SBNO2: variants seen among roughly 807,000 people sequenced by gnomAD.
SBNO2 encodes the protein strawberry notch homolog 2, also known as protein strawberry notch homolog 2.
Under a neutral mutation model 146.3 loss-of-function variants are expected in SBNO2, and 89 were observed. That is an observed-to-expected ratio of 0.61 (90% CI 0.51 to 0.73). The LOEUF (loss-of-function observed/expected upper bound fraction) is 0.73, where lower values mean the gene tolerates loss of function less well. Ranked by LOEUF, SBNO2 falls within the 30% of genes least tolerant of loss-of-function variation. The pLI is 0.00. For synonymous variants in SBNO2, 1,147 were observed against 892.6 expected (o/e 1.29, Z -5.08); for missense variants, 2,092 against 2,003.7 (o/e 1.04, Z -0.84).
chr19:1,110,032 T>G lies in SBNO2; in HGVS notation c.3029-255A>C, dbSNP rs181038156. 3.1e-4 allele frequency among the ~76,000 whole-genome samples: 41 copies of G among 131,012 alleles called. No homozygotes were observed. In the South Asian group the frequency reaches 9.2e-3, roughly 29 times the overall value. 85.9% of individuals were successfully genotyped at this position (131,012 alleles called of 152,430 possible). On this transcript the variant is annotated intron_variant, in intron 26 of 31. Coordinates refer to ENST00000361757, the MANE Select transcript of SBNO2 (RefSeq NM_014963.3). The surrounding 1 kb of genome is among the most constrained non-coding windows in gnomAD (Gnocchi z 4.9). ...GAGCCTGGGGGCCGCTCAGGTCCTA[T>G]GTAACCCCGAGCAGGCTGTGGGGGA...
intron 4 of SBNO2, among the ~76,000 whole-genome samples, chr19:1,145,794 C>T (rs943770018): frequency 2.6e-5 from 4 of 152,102 alleles, no homozygotes; most frequent in Non-Finnish European, 5.9e-5. Context: ...CATGGGGGTC[C>T]AGGGCTACTG....
At position 1,111,633 on chromosome 19, in the gene SBNO2, T is replaced by TCGGGGAGGAGGCC. The variant is rs2079761472; in HGVS notation, c.2701-32_2701-20dup. On this transcript the variant is annotated intron_variant, in intron 23 of 31. Coordinates refer to ENST00000361757, the MANE Select transcript of SBNO2 (RefSeq NM_014963.3). ...TGCCATACTAGGGGGAGAAGGTGAC[T>TCGGGGAGGAGGCC]CGGGGAGGAGGCCCAGGGAGGAGGC... 1.3e-6 allele frequency: 2 copies of TCGGGGAGGAGGCC among 1,549,156 alleles called. No homozygotes were observed. Among genetic ancestry groups the TCGGGGAGGAGGCC allele is most frequent in the African/African-American group, 2.7e-5 (2 of 73,146 alleles).
At chr19:1,129,687 G>C (rs537754236) in intron 4 of SBNO2, among the ~76,000 whole-genome samples, 2 of 152,212 alleles carry the variant, frequency 1.3e-5, no homozygotes, top group Non-Finnish European at 2.9e-5. Context: ...AGCATTTCCC[G>C]GGCAAGGTCA....
chr19:1,154,928 G>A (rs973177663), intron 1 of SBNO2, among the ~76,000 whole-genome samples: 3 of 152,300 alleles, frequency 2.0e-5, no homozygotes, highest in African/African-American at 2.4e-5. Flanking sequence ...CCCAGACCTC[G>A]TTTCAGGCTA....
chr19:1,121,921 T>A (rs1356959778), intron 11 of SBNO2, among the ~76,000 whole-genome samples: 1 of 152,150 alleles, frequency 6.6e-6, no homozygotes, highest in Non-Finnish European at 1.5e-5. Flanking sequence ...TCCGGAGTCC[T>A]AAACCCTGAG....
In SBNO2 at chr19:1,108,340, C is replaced by A; in HGVS notation, c.3981G>T (p.Pro1327=). ...EDMLRSLHAG[P]PSEGALGEGA... Reference sequence around the variant, plus strand: ...CCTCCCCCAGCGCGCCCTCGGAGGGCGGCCCCGCGTGCAGCGAGCGCAGCA... The same window carrying A: ...CCTCCCCCAGCGCGCCCTCGGAGGGAGGCCCCGCGTGCAGCGAGCGCAGCA... Residue 1327 remains proline (P), a synonymous_variant, in exon 32 of 32, where the codon CCG becomes CCT. Transcript: ENST00000361757. The A allele has an allele frequency of 2.3e-6, 3 of 1,330,872 alleles. No individual in the cohort carries two copies. The highest frequency in any genetic ancestry group is 2.9e-6 in the Non-Finnish European group (3 of 1,037,896). 82.4% of individuals were successfully genotyped at this position (1,330,872 alleles called of 1,614,324 possible).
chr19:1,127,827 C>T (rs1476858133), intron 4 of SBNO2, 62 bp from the exon 5 acceptor site: 3 of 1,529,094 alleles, frequency 2.0e-6, no homozygotes, highest in Non-Finnish European at 2.7e-6. Context: ...CCTCCACGCA[C>T]TGGAGCACGT....
chr19:1,108,674 C>G lies in SBNO2; in HGVS notation c.3647G>C (p.Arg1216Pro), dbSNP rs1395017443. 6.5e-7 allele frequency: 1 copy of G among 1,531,300 alleles called. No homozygotes were observed. Among genetic ancestry groups the G allele is most frequent in the East Asian group, 2.5e-5 (1 of 40,228 alleles). The allele number at this position is 1,531,300 out of a possible 1,614,324, so 94.9% of individuals were successfully genotyped here. A position where few individuals can be genotyped will look rare whatever the true frequency, so the allele number is the denominator to read the frequency against. The change falls in exon 32 of 32, where the codon CGG (arginine) becomes CCG (proline). Residue 1216 changes from arginine to proline, a missense_variant. Coordinates refer to ENST00000361757, the MANE Select transcript of SBNO2 (RefSeq NM_014963.3). ...CATCAGCCGCAGCTCCTGCAGCACC[C>G]GGCGCACGCAGCCCTCGGGGATCTT... The part of the protein sequence containing the change: ...GIKIPEGCVR[R>P]VLQELRLMDA...
chr19:1,128,595 G>A (rs1345211040), intron 4 of SBNO2, among the ~76,000 whole-genome samples: 2 of 151,606 alleles, frequency 1.3e-5, no homozygotes, highest in African/African-American at 4.8e-5. Flanking sequence ...GTTTCACCGT[G>A]TTGGTCAGGC....
chr19:1,143,770 C>T (rs1438564273), intron 4 of SBNO2, among the ~76,000 whole-genome samples: 2 of 152,142 alleles, frequency 1.3e-5, no homozygotes, highest in Non-Finnish European at 2.9e-5. Context: ...ACCCAGGAAG[C>T]TCTCCCGTCT....
Position 1,140,280 on chromosome 19 carries a change from A to G in SBNO2, c.279+7029T>C, listed in dbSNP as rs1267381128. 6.6e-6 allele frequency among the ~76,000 whole-genome samples: 1 copy of G among 151,504 alleles called. No homozygotes were observed. The highest frequency in any genetic ancestry group is 6.6e-5 in the Admixed American group (1 of 15,222). On this transcript the variant is annotated intron_variant, in intron 4 of 31. Transcript: ENST00000361757. This position sits in a 1 kb window ranked among gnomAD's most constrained non-coding sequence, Gnocchi z 4.4. ...ACGCCACTGCACTCCAGCCTGGGCGACAGAGCGAGATTTCATCTCAAAAAA... is the reference window on the plus strand; with the variant it reads ...ACGCCACTGCACTCCAGCCTGGGCGGCAGAGCGAGATTTCATCTCAAAAAA...
chr19:1,118,880 C>CA (rs3842428), intron 14 of SBNO2, 131 bp downstream of exon 14: 13,363 of 874,344 alleles, frequency 0.015, 9 homozygotes, highest in South Asian at 0.038. Context: ...AAAAAAACAA[C>CA]AAAAAAAAAA....
intron 11 of SBNO2, 50 bp from the exon 12 acceptor site, chr19:1,120,073 A>G (rs1482678079): frequency 1.4e-6 from 2 of 1,458,934 alleles, no homozygotes; most frequent in East Asian, 4.9e-5. Flanking sequence ...GGGCGACCCC[A>G]GGAGCCCAGG....
intron 1 of SBNO2, among the ~76,000 whole-genome samples, chr19:1,166,619 ACAC>A (rs1568649733): frequency 5.4e-4 from 3 of 5,586 alleles, no homozygotes; most frequent in Non-Finnish European, 0.011. Context: ...CTGCACGCGC[ACAC>A]ACACACACAC....
chr19:1,153,914 G>A (rs2080264848), intron 2 of SBNO2, among the ~76,000 whole-genome samples: 1 of 152,192 alleles, frequency 6.6e-6, no homozygotes, highest in African/African-American at 2.4e-5. Flanking sequence ...GACGGCGAAG[G>A]AACTGGAAGC....
rs1294771385 is a variant in SBNO2 at position 1,158,700 on chromosome 19, G to A, written c.-126-4298C>T. On this transcript the variant is annotated intron_variant, in intron 1 of 31. Transcript: ENST00000361757. The surrounding 1 kb of genome is among the most constrained non-coding windows in gnomAD (Gnocchi z 9.9). Reference sequence around the variant, plus strand: ...GGCCACCGCACAGTCCCTGGAGGCCGCATTACCTCAGCCGAGGTTCTCCGG... The same window carrying A: ...GGCCACCGCACAGTCCCTGGAGGCCACATTACCTCAGCCGAGGTTCTCCGG... Among the ~76,000 whole-genome samples the A allele has an allele frequency of 2.0e-5, 3 of 152,286 alleles. No homozygotes were observed. Among genetic ancestry groups the A allele is most frequent in the East Asian group, 1.9e-4 (1 of 5,172 alleles).
In SBNO2 at chr19:1,111,390, G is replaced by A. The variant is rs1431522459; in HGVS notation, c.2809+116C>T. The A allele has an allele frequency of 5.3e-5, 41 of 779,846 alleles. 1 individual carries two copies. In the South Asian group the frequency reaches 6.4e-4, roughly 12 times the overall value. 48.3% of individuals were successfully genotyped at this position (779,846 alleles called of 1,614,324 possible). A position where few individuals can be genotyped will look rare whatever the true frequency, so the allele number is the denominator to read the frequency against. On this transcript the variant is annotated intron_variant, in intron 24 of 31. Coordinates refer to ENST00000361757, the MANE Select transcript of SBNO2 (RefSeq NM_014963.3). The stretch of plus-strand genomic sequence containing the variant: ...TCACAGCCCTCTCTGTCCGTGTGTG[G>A]GGAGGGGTCACTCAACACACAACCG...
At chr19:1,171,267 C>T (rs941472398) in intron 1 of SBNO2, among the ~76,000 whole-genome samples, 3 of 152,054 alleles carry the variant, frequency 2.0e-5, no homozygotes, top group Admixed American at 6.5e-5. Context: ...ACACACAGAA[C>T]GCGCACACGT....
At position 1,112,854 on chromosome 19, in the gene SBNO2, G is replaced by A. The variant is rs2079782892; in HGVS notation, c.2343C>T (p.Asn781=). The A allele has an allele frequency of 6.3e-7, 1 of 1,576,374 alleles. No homozygotes were observed. The highest frequency in any genetic ancestry group is 1.2e-5 in the South Asian group (1 of 85,952). The change falls in exon 20 of 32, where the codon AAC becomes AAT. Residue 781 remains asparagine (N), a synonymous_variant. Coordinates refer to ENST00000361757, the MANE Select transcript of SBNO2 (RefSeq NM_014963.3). The surrounding 1 kb of genome is among the most constrained non-coding windows in gnomAD (Gnocchi z 5.9). ...AEQGLSIDHV[N]LREKQRFMSG... is the part of the protein sequence containing the mutation. ...TCATGAAGCGCTGCTTCTCCCTGAG[G>A]TTCACGTGGTCGATGGACAGACCCT...
Sources: gnomAD v4.1 joint callset for allele counts (sites outside exome capture counted in the v4.1 genomes callset) on GRCh38, gnomAD v4.1.1 for gene constraint, Gnocchi (gnomAD v3.1) non-coding constraint, MANE v1.5 for transcripts, NCBI Gene and HGNC (gene_info 2026-07-23, HGNC 2026-07-21) for gene names.